The following SNX24 variants were observed in gnomAD, a reference collection of about 807,000 sequenced individuals.
SNX24 encodes the protein sorting nexin-24.
A neutral mutation model predicts 28.7 loss-of-function variants in SNX24; 22 were observed. That is an observed-to-expected ratio of 0.77 (90% CI 0.55 to 1.10). The LOEUF (loss-of-function observed/expected upper bound fraction) is 1.10, where lower values mean the gene tolerates loss of function less well. SNX24 is among the 50% of genes least tolerant of loss of function. SNX24 has a pLI of 0.00. For synonymous variants in SNX24, 69 were observed against 71.5 expected (o/e 0.96, Z 0.18); for missense variants, 221 against 201.1 (o/e 1.10, Z -0.60).
At chr5:122,857,595 G>T (rs1266638644) in intron 1 of SNX24, among the ~76,000 whole-genome samples, 1 of 151,842 alleles carries the variant, frequency 6.6e-6, no homozygotes, top group Non-Finnish European at 1.5e-5. Context: ...AGTGTCTGTT[G>T]TTCCCCTCTA....
intron 1 of SNX24, chr5:122,853,825 C>G (rs1176580394): frequency 9.4e-6 from 2 of 213,048 alleles, no homozygotes. Flanking sequence ...TTATTTTGTT[C>G]TTCAGCCTGT....
At chr5:123,002,353 C>T (rs377593390) in intron 6 of SNX24, among the ~76,000 whole-genome samples, 18 of 152,254 alleles carry the variant, frequency 1.2e-4, no homozygotes, top group African/African-American at 3.8e-4. Context: ...TTAAAAATGC[C>T]TCTTCCCGGC....
intron 1 of SNX24, among the ~76,000 whole-genome samples, chr5:122,919,245 G>T (rs1758311992): frequency 6.6e-6 from 1 of 152,228 alleles, no homozygotes; most frequent in Non-Finnish European, 1.5e-5. Flanking sequence ...CTGATGGGCA[G>T]TGGCTTCCGC....
intron 1 of SNX24, among the ~76,000 whole-genome samples, chr5:122,871,164 T>C (rs1358393822): frequency 2.0e-5 from 3 of 152,180 alleles, no homozygotes; most frequent in Non-Finnish European, 4.4e-5. Flanking sequence ...ATATTATTAA[T>C]AAGTTAGTTC....
intron 3 of SNX24, among the ~76,000 whole-genome samples, chr5:122,996,037 T>G (rs1762042575): frequency 6.6e-6 from 1 of 152,180 alleles, no homozygotes; most frequent in African/African-American, 2.4e-5. Context: ...GAATAATATA[T>G]AGAAGACATG....
At position 122,931,938 on chromosome 5, in the gene SNX24, A is replaced by T. The variant is rs545444701; in HGVS notation, c.61-4796A>T. The stretch of plus-strand genomic sequence containing the variant: ...TGAAATATAAGTTAAGTCCTTCCTT[A>T]GCTTAAGTTTATTTTATTTATTAGA... On this transcript the variant is annotated intron_variant, in intron 1 of 6. Coordinates refer to ENST00000261369, the MANE Select transcript of SNX24 (RefSeq NM_014035.4). Among the ~76,000 whole-genome samples the T allele has an allele frequency of 1.6e-3, 238 of 151,954 alleles. 2 individuals are homozygous for T. The highest frequency in any genetic ancestry group is 3.4e-3 in the Middle Eastern group (1 of 294).
intron 3 of SNX24, among the ~76,000 whole-genome samples, chr5:122,962,390 TA>T (rs1222364624): frequency 6.6e-6 from 1 of 152,264 alleles, no homozygotes; most frequent in Admixed American, 6.5e-5. Flanking sequence ...GTATATACTT[TA>T]AATATGACAT....
chr5:122,954,197 C>CTCTCTT (rs554412836), intron 3 of SNX24, among the ~76,000 whole-genome samples: 5 of 150,736 alleles, frequency 3.3e-5, no homozygotes, highest in Admixed American at 3.3e-4. Context: ...TTCTCTCTCT[C>CTCTCTT]TATATATATA....
At chr5:122,999,579 C>G (rs944151794) in intron 3 of SNX24, among the ~76,000 whole-genome samples, 3 of 152,102 alleles carry the variant, frequency 2.0e-5, no homozygotes, top group African/African-American at 7.2e-5. Context: ...TTGAAATATT[C>G]ACTCTGGATT....
chr5:122,945,974 T>G, intron 2 of SNX24, 81 bp from the exon 3 acceptor site: 1 of 702,196 alleles, frequency 1.4e-6, no homozygotes, highest in Middle Eastern at 3.0e-4. Flanking sequence ...TATTGGCCTT[T>G]TTTCCCCAAA....
chr5:122,845,763 C>T, intron 1 of SNX24, 70 bp downstream of exon 1: 1 of 972,742 alleles, frequency 1.0e-6, no homozygotes. Flanking sequence ...AGGAAACACC[C>T]TTGGCCGCCG....
intron 5 of SNX24, among the ~76,000 whole-genome samples, chr5:123,018,931 C>T (rs1478324536): frequency 3.3e-5 from 5 of 152,110 alleles, no homozygotes; most frequent in Non-Finnish European, 5.9e-5. Flanking sequence ...GTGATCCGCC[C>T]GCCTCGGCCT....
At chr5:123,002,933 T>C (rs183242276) in intron 6 of SNX24, among the ~76,000 whole-genome samples, 4 of 152,284 alleles carry the variant, frequency 2.6e-5, no homozygotes, top group East Asian at 1.9e-4. Context: ...AATGAGAAAA[T>C]TGGGGTCCAG....
chr5:122,945,269 C>A (rs1479662434), intron 2 of SNX24, among the ~76,000 whole-genome samples: 3 of 152,116 alleles, frequency 2.0e-5, no homozygotes, highest in Non-Finnish European at 4.4e-5. Flanking sequence ...TGAGCCCACC[C>A]CAATAATCCA....
chr5:123,005,487 A>G (rs527338332), intron 6 of SNX24, among the ~76,000 whole-genome samples: 9 of 152,174 alleles, frequency 5.9e-5, no homozygotes, highest in South Asian at 2.1e-4. Context: ...TGTTCTTGTC[A>G]CTGCTTAACA....
intron 1 of SNX24, among the ~76,000 whole-genome samples, chr5:122,868,926 G>A (rs1043286737): frequency 2.6e-5 from 4 of 152,158 alleles, no homozygotes; most frequent in East Asian, 1.9e-4. Flanking sequence ...AAAGTGAAAC[G>A]TACTCTTCCT....
intron 1 of SNX24, among the ~76,000 whole-genome samples, chr5:122,908,848 A>C (rs1757758695): frequency 1.3e-5 from 2 of 152,316 alleles, no homozygotes; most frequent in South Asian, 4.1e-4. Flanking sequence ...GTGGAACGGA[A>C]TGTCCTGTGC....
At chr5:122,900,443 A>T (rs942558789) in intron 1 of SNX24, among the ~76,000 whole-genome samples, 1 of 152,132 alleles carries the variant, frequency 6.6e-6, no homozygotes, top group Non-Finnish European at 1.5e-5. Flanking sequence ...TTCATTCTAT[A>T]TGGCCATGTA....
At chr5:123,025,859 C>G in intron 5 of SNX24, 1 of 1,614,150 alleles carries the variant, frequency 6.2e-7, no homozygotes, top group Non-Finnish European at 8.5e-7. Context: ...TGATAAAGAA[C>G]TGAGAGCCAT....
Sources: gnomAD v4.1 joint callset for allele counts (sites outside exome capture counted in the v4.1 genomes callset) on GRCh38, gnomAD v4.1.1 for gene constraint, MANE v1.5 for transcripts, NCBI Gene and HGNC (gene_info 2026-07-23, HGNC 2026-07-21) for gene names.